LOC400499: variants seen among roughly 807,000 people sequenced by gnomAD.
chr16:11,485,488 G>A, the LOC400499 span, among the ~76,000 whole-genome samples: 17 of 152,038 alleles, frequency 1.1e-4, no homozygotes, highest in Non-Finnish European at 1.9e-4. Flanking sequence ...TCCCCTGGAT[G>A]GGGGGGAGGG....
chr16:11,405,813 G>A, the LOC400499 span, among the ~76,000 whole-genome samples: 620 of 152,242 alleles, frequency 4.1e-3, 8 homozygotes, highest in African/African-American at 0.014. Context: ...TTTGATCATG[G>A]CTTCAAAGGC....
the LOC400499 span, among the ~76,000 whole-genome samples, chr16:11,499,639 G>T: frequency 2.0e-5 from 3 of 152,090 alleles, no homozygotes; most frequent in Admixed American, 2.0e-4. Flanking sequence ...GGACAGCCAG[G>T]GCTGGACCAG....
the LOC400499 span, chr16:11,398,603 G>C: frequency 9.2e-6 from 9 of 981,638 alleles, no homozygotes; most frequent in East Asian, 2.9e-4. Flanking sequence ...GCAAGAGCAT[G>C]TGCCAGGAAT....
chr16:11,372,826 C>G, the LOC400499 span: 21 of 475,106 alleles, frequency 4.4e-5, no homozygotes, highest in African/African-American at 6.4e-5. Context: ...TATGCTAGGG[C>G]CCCTGGCCTT....
the LOC400499 span, chr16:11,401,139 CGGA>C: frequency 1.5e-5 from 6 of 397,850 alleles, no homozygotes; most frequent in Non-Finnish European, 2.7e-5. Flanking sequence ...GCTGTGATTC[CGGA>C]GAAGTCTTTG....
At chr16:11,430,073 G>A in the LOC400499 span, among the ~76,000 whole-genome samples, 1 of 152,186 alleles carries the variant, frequency 6.6e-6, no homozygotes, top group South Asian at 2.1e-4. Context: ...CACCTGACAA[G>A]AGGCTGCCTC....
the LOC400499 span, among the ~76,000 whole-genome samples, chr16:11,461,717 A>G: frequency 1.3e-5 from 2 of 152,064 alleles, no homozygotes; most frequent in African/African-American, 2.4e-5. Flanking sequence ...CCACTGCTCC[A>G]AGTACCCCCA....
At chr16:11,471,826 A>G in the LOC400499 span, 1 of 399,142 alleles carries the variant, frequency 2.5e-6, no homozygotes, top group Non-Finnish European at 4.4e-6. Flanking sequence ...CACTGCAGAG[A>G]GAGGTAAGCA....
the LOC400499 span, chr16:11,399,270 C>G: frequency 4.1e-6 from 4 of 984,376 alleles, no homozygotes; most frequent in Non-Finnish European, 4.8e-6. Flanking sequence ...CTTTTCTTGT[C>G]TTCCAGAGCC....
At chr16:11,405,758 G>A in the LOC400499 span, among the ~76,000 whole-genome samples, 9 of 152,120 alleles carry the variant, frequency 5.9e-5, no homozygotes, top group African/African-American at 1.9e-4. Flanking sequence ...CCACCTGTAG[G>A]TCCCTCCCCA....
chr16:11,487,972 C>T, the LOC400499 span, among the ~76,000 whole-genome samples: 1 of 152,020 alleles, frequency 6.6e-6, no homozygotes, highest in East Asian at 1.9e-4. Flanking sequence ...CAAAAATTAG[C>T]CGGGCATGGT....
chr16:11,486,260 T>TGGATGGATGGAG, the LOC400499 span, among the ~76,000 whole-genome samples: 2 of 66,250 alleles, frequency 3.0e-5, 1 homozygote, highest in African/African-American at 2.0e-4. Context: ...AGTGAATAGA[T>TGGATGGATGGAG]GGATGGATGG....
At chr16:11,494,459 G>T in the LOC400499 span, 1 of 393,860 alleles carries the variant, frequency 2.5e-6, no homozygotes, top group African/African-American at 2.1e-5. Context: ...TGAGGGATAG[G>T]AGGAAGGGGC....
chr16:11,428,705 G>C, the LOC400499 span, among the ~76,000 whole-genome samples: 3 of 152,084 alleles, frequency 2.0e-5, no homozygotes, highest in African/African-American at 4.8e-5. Flanking sequence ...GTGACTAAGA[G>C]TGCCTTAACC....
chr16:11,490,964 G>T, the LOC400499 span, among the ~76,000 whole-genome samples: 757 of 152,296 alleles, frequency 5.0e-3, 2 homozygotes, highest in Non-Finnish European at 7.8e-3. Context: ...AATAATAATA[G>T]CAGTAGTGAT....
chr16:11,401,602 G>A, the LOC400499 span, among the ~76,000 whole-genome samples: 1 of 152,234 alleles, frequency 6.6e-6, no homozygotes, highest in African/African-American at 2.4e-5. Flanking sequence ...GGCTTAGAGA[G>A]GAGCAGATGG....
the LOC400499 span, among the ~76,000 whole-genome samples, chr16:11,489,060 C>T: frequency 6.6e-6 from 1 of 152,314 alleles, no homozygotes; most frequent in Non-Finnish European, 1.5e-5. Context: ...CTGAACAGAA[C>T]TTGGAAATCC....
At chr16:11,470,681 A>C in the LOC400499 span, 2 of 152,306 alleles carry the variant, frequency 1.3e-5, no homozygotes, top group African/African-American at 4.8e-5. Context: ...CGTGGAGCCT[A>C]CGTCCTAGAG....
chr16:11,407,814 A>G, the LOC400499 span, among the ~76,000 whole-genome samples: 1 of 152,140 alleles, frequency 6.6e-6, no homozygotes, highest in East Asian at 1.9e-4. Flanking sequence ...CACCTATTTT[A>G]TTACGGGTTG....
Sources: gnomAD v4.1 joint callset for allele counts (sites outside exome capture counted in the v4.1 genomes callset) on GRCh38, gnomAD v4.1.1 for gene constraint, MANE v1.5 for transcripts.